Variants in RAPH1 observed in about 807,000 individuals in gnomAD.
The protein encoded by RAPH1 is ras-associated and pleckstrin homology domains-containing protein 1.
In RAPH1, 18 loss-of-function variants were observed where a neutral mutation model predicts 88.1. The ratio of observed to expected loss-of-function variants is 0.20; its 90% confidence interval spans 0.14 to 0.30. The LOEUF (loss-of-function observed/expected upper bound fraction) is 0.30. RAPH1 is among the 10% of genes least tolerant of loss of function. RAPH1 has a pLI of 1.00. For missense variants in RAPH1, 1,448 were observed against 1,543.2 expected (o/e 0.94, Z 1.03); for synonymous variants, 587 against 559.0 (o/e 1.05, Z -0.71).
At chr2:203,459,788 T>C in intron 7 of RAPH1, 119 bp downstream of exon 7, 1 of 1,003,066 alleles carries the variant, frequency 1.0e-6, no homozygotes, top group Non-Finnish European at 1.5e-6. Context: ...CTATAGGATT[T>C]TGCAGGTATA....
intron 12 of RAPH1, chr2:203,447,209 T>C (rs1320359601): frequency 1.4e-5 from 2 of 142,674 alleles, no homozygotes. Flanking sequence ...TGAAGAATGG[T>C]ATTAGAAACC....
intron 1 of RAPH1, among the ~76,000 whole-genome samples, chr2:203,499,478 T>C (rs1688648728): frequency 6.6e-6 from 1 of 151,804 alleles, no homozygotes; most frequent in Non-Finnish European, 1.5e-5. Flanking sequence ...TCCCAGCACT[T>C]TGGGAGGCCA....
At chr2:203,519,574 C>G (rs1301984849) in intron 1 of RAPH1, among the ~76,000 whole-genome samples, 1 of 152,024 alleles carries the variant, frequency 6.6e-6, no homozygotes, top group Non-Finnish European at 1.5e-5. Flanking sequence ...AGCTTTCCCA[C>G]TAAGATCAGG....
Position 203,489,648 on chromosome 2 carries a change from T to A in RAPH1, c.668A>T (p.Asp223Val). ...TTGAGGGCGTGTTACTTTATCAATA[T>A]CCAAAGAGTCCATGCTGGAGGCTGC... is the stretch of plus-strand genomic sequence containing the variant. ...TSAASSMDSLDIDKVTRPQEL... is the reference protein window; with the variant it reads ...TSAASSMDSLVIDKVTRPQEL... The change falls in exon 4 of 14, where the codon GAT becomes GTT. Residue 223 changes from aspartate (D) to valine (V), a missense_variant. Physicochemically the swap from Asp to Val is radical, Grantham distance 152 (BLOSUM62 -3). Around this residue, in one of 2 missense-constraint regions of RAPH1, gnomAD observed 513 missense variants for 653.1 expected, o/e 0.79. Coordinates refer to ENST00000319170, the MANE Select transcript of RAPH1 (RefSeq NM_213589.3). 6.2e-7 allele frequency: 1 copy of A among 1,613,858 alleles called. No individual in the cohort carries two copies. The highest frequency in any genetic ancestry group is 8.5e-7 in the Non-Finnish European group (1 of 1,179,844).
intron 1 of RAPH1, among the ~76,000 whole-genome samples, chr2:203,522,281 A>T (rs1689911624): frequency 1.3e-5 from 2 of 152,198 alleles, no homozygotes; most frequent in African/African-American, 4.8e-5. Flanking sequence ...TCCATACCAA[A>T]TCTCGATTTA....
At chr2:203,468,517 A>G (rs1226447555) in intron 4 of RAPH1, among the ~76,000 whole-genome samples, 1 of 152,058 alleles carries the variant, frequency 6.6e-6, no homozygotes, top group Admixed American at 6.6e-5. Flanking sequence ...ATGTACCCCA[A>G]TCTTTTTCCC....
At chr2:203,480,243 G>A (rs537342403) in intron 4 of RAPH1, among the ~76,000 whole-genome samples, 17 of 152,270 alleles carry the variant, frequency 1.1e-4, no homozygotes, top group Admixed American at 2.0e-4. Flanking sequence ...GGGTGGGAGT[G>A]CACATATTAA....
chr2:203,453,946 CACAAT>C (rs2098516984), intron 10 of RAPH1, among the ~76,000 whole-genome samples: 1 of 151,984 alleles, frequency 6.6e-6, no homozygotes, highest in Non-Finnish European at 1.5e-5. Flanking sequence ...CAGCTCAGGT[CACAAT>C]ACATACATGG....
rs1688148447 is a variant in RAPH1 at position 203,489,588 on chromosome 2, G to A, written c.728C>T (p.Thr243Ile). Residue 243 changes from threonine to isoleucine, a missense_variant, in exon 4 of 14, where the codon ACT becomes ATT. Thr to Ile is a moderately conservative substitution (Grantham distance 89). Around this residue, in one of 2 missense-constraint regions of RAPH1, gnomAD observed 513 missense variants for 653.1 expected, o/e 0.79. Transcript: ENST00000319170. ...LDLTHQGQPI[T>I]EEEQAAKLKA... ...GAAAAAGTTCCATTTATTTACCTCA[G>A]TAATTGGCTGCCCTTGATGTGTCAA... The A allele has an allele frequency of 1.3e-6, 2 of 1,509,920 alleles. No homozygotes were observed. Among genetic ancestry groups the A allele is most frequent in the Non-Finnish European group, 8.9e-7 (1 of 1,118,744 alleles). 93.5% of individuals were successfully genotyped at this position (1,509,920 alleles called of 1,614,324 possible).
intron 4 of RAPH1, among the ~76,000 whole-genome samples, chr2:203,482,052 C>T (rs1687755454): frequency 6.6e-6 from 1 of 151,496 alleles, no homozygotes; most frequent in South Asian, 2.1e-4. Flanking sequence ...GAAACACCAA[C>T]AATAAGAGTC....
intron 13 of RAPH1, chr2:203,441,742 C>A: frequency 7.8e-7 from 1 of 1,284,478 alleles, no homozygotes; most frequent in Non-Finnish European, 9.8e-7. Context: ...GACTTTGACA[C>A]AGCCTGCCCT....
chr2:203,491,580 C>T (rs991578882), intron 2 of RAPH1, among the ~76,000 whole-genome samples: 1 of 152,042 alleles, frequency 6.6e-6, no homozygotes, highest in Non-Finnish European at 1.5e-5. Context: ...AAGTGCCGTG[C>T]CACAAGCTTG....
chr2:203,470,147 GA>G (rs979158285), intron 4 of RAPH1: 2 of 797,180 alleles, frequency 2.5e-6, no homozygotes, highest in Non-Finnish European at 4.0e-6. Flanking sequence ...GCTAGAGTAA[GA>G]AAATAATAAT....
chr2:203,506,055 T>C (rs1441443531), intron 1 of RAPH1, among the ~76,000 whole-genome samples: 1 of 152,172 alleles, frequency 6.6e-6, no homozygotes, highest in Admixed American at 6.5e-5. Flanking sequence ...GTATTTTTCT[T>C]CACTTTTGTC....
In RAPH1 at chr2:203,448,655, G is replaced by A; in HGVS notation, c.1512+83C>T. On this transcript the variant is annotated intron_variant, in intron 11 of 13. Coordinates refer to ENST00000319170, the MANE Select transcript of RAPH1 (RefSeq NM_213589.3). This position sits in a 1 kb window ranked among gnomAD's most constrained non-coding sequence, Gnocchi z 4.1. Reference sequence around the variant, plus strand: ...CTGGCAAATCCATGAACATGAAATAGTCAGAATAGTTGTCATGAAAACGAA... The same window carrying A: ...CTGGCAAATCCATGAACATGAAATAATCAGAATAGTTGTCATGAAAACGAA... The A allele has an allele frequency of 1.1e-6, 1 of 878,114 alleles. No individual in the cohort carries two copies. Among genetic ancestry groups the A allele is most frequent in the African/African-American group, 1.7e-5 (1 of 57,710 alleles). 54.4% of individuals were successfully genotyped at this position (878,114 alleles called of 1,614,324 possible).
At chr2:203,459,724 C>A (rs1015548969) in intron 7 of RAPH1, among the ~76,000 whole-genome samples, 183 bp downstream of exon 7, 2 of 152,104 alleles carry the variant, frequency 1.3e-5, no homozygotes, top group African/African-American at 4.8e-5. Flanking sequence ...CACGTGGGCA[C>A]CAGCTGACTT....
chr2:203,487,324 T>C (rs1688015456), intron 4 of RAPH1, among the ~76,000 whole-genome samples: 1 of 152,126 alleles, frequency 6.6e-6, no homozygotes, highest in African/African-American at 2.4e-5. Flanking sequence ...AAATGATACA[T>C]ATTAAGTAGC....
Position 203,517,476 on chromosome 2 carries a change from T to C in RAPH1, c.-1+17635A>G, listed in dbSNP as rs535575361. Among the ~76,000 whole-genome samples, 7 of 150,862 alleles carry C rather than the reference T, an allele frequency of 4.6e-5. No homozygotes were observed. The South Asian group carries it at 1.5e-3, about 32-fold the overall frequency. On this transcript the variant is annotated intron_variant, in intron 1 of 13. Coordinates refer to ENST00000319170, the MANE Select transcript of RAPH1 (RefSeq NM_213589.3). ...GCAGATTCAGCAGGCAAAAAATCAG[T>C]AAAGATATAGTTGAACTCAATAACA...
At position 203,441,358 on chromosome 2, in the gene RAPH1, G is replaced by T; in HGVS notation, c.1832C>A (p.Pro611Gln). Residue 611 changes from proline to glutamine, a missense_variant, in exon 14 of 14, where the codon CCG becomes CAG. By Grantham distance (76) the Pro-to-Gln change is moderately conservative. Coordinates refer to ENST00000319170, the MANE Select transcript of RAPH1 (RefSeq NM_213589.3). Reference protein sequence around the residue: ...PYTSLVPPLSPQPKIVTPYTA... With the variant: ...PYTSLVPPLSQQPKIVTPYTA... ...GTAGGGGGTGACTATCTTAGGTTGC[G>T]GGGATAAAGGGGGCACAAGTGAAGT... The T allele has an allele frequency of 6.3e-7, 1 of 1,576,632 alleles. No homozygotes were observed. Among genetic ancestry groups the T allele is most frequent in the Non-Finnish European group, 8.6e-7 (1 of 1,162,788 alleles).
Sources: gnomAD v4.1 joint callset for allele counts (sites outside exome capture counted in the v4.1 genomes callset) on GRCh38, gnomAD v4.1.1 for gene constraint, gnomAD v4.1.1 regional missense constraint, Gnocchi (gnomAD v3.1) non-coding constraint, MANE v1.5 for transcripts, NCBI Gene and HGNC (gene_info 2026-07-23, HGNC 2026-07-21) for gene names.